Variants in ASMT observed in about 807,000 individuals in gnomAD.
ASMT encodes acetylserotonin N-methyltransferase.
Under a neutral mutation model 41.3 loss-of-function variants are expected in ASMT, and 53 were observed. The observed-to-expected ratio is 1.28, with a 90% CI of 1.03 to 1.61. The LOEUF (loss-of-function observed/expected upper bound fraction) is 1.61, where lower values mean the gene tolerates loss of function less well. ASMT is among the 40% of genes most tolerant of loss of function. ASMT has a pLI of 0.00. For synonymous variants in ASMT, 231 were observed against 184.8 expected (o/e 1.25, Z -2.03); for missense variants, 531 against 441.3 (o/e 1.20, Z -1.82).
At chrX:1,641,399 CTA>C (rs1370963980) in intron 8 of ASMT, among the ~76,000 whole-genome samples, 4 of 145,734 alleles carry the variant, frequency 2.7e-5, no homozygotes, top group East Asian at 2.1e-4. Flanking sequence ...TGAGGTCCAC[CTA>C]TCCTGATGGT....
intron 5 of ASMT, among the ~76,000 whole-genome samples, 190 bp downstream of exon 5, chrX:1,630,129 G>A (rs1420964247): frequency 2.7e-5 from 4 of 150,056 alleles, no homozygotes; most frequent in African/African-American, 7.3e-5. Context: ...GCGAGCACAC[G>A]TTTCTTTTTC....
At chrX:1,631,631 C>G (rs1399659050) in intron 5 of ASMT, among the ~76,000 whole-genome samples, 17 of 152,060 alleles carry the variant, frequency 1.1e-4, no homozygotes, top group Non-Finnish European at 1.9e-4. Flanking sequence ...AATGAACAAG[C>G]AGACCGGGCG....
At chrX:1,622,042 G>T (rs1456719614) in intron 1 of ASMT, among the ~76,000 whole-genome samples, 2 of 151,202 alleles carry the variant, frequency 1.3e-5, no homozygotes, top group Non-Finnish European at 2.9e-5. Context: ...GCCCAGGCTG[G>T]AGTGCAGTGA....
intron 4 of ASMT, among the ~76,000 whole-genome samples, chrX:1,629,121 T>C (rs113984856): frequency 6.6e-6 from 1 of 151,968 alleles, no homozygotes; most frequent in Non-Finnish European, 1.5e-5. Flanking sequence ...TGTATGTGTA[T>C]GTGAATATAT....
intron 5 of ASMT, among the ~76,000 whole-genome samples, chrX:1,632,268 A>T (rs1214737939): frequency 2.0e-5 from 3 of 152,072 alleles, no homozygotes; most frequent in Admixed American, 2.0e-4. Flanking sequence ...GGAAGTTTGG[A>T]GCTTGGGTCA....
chrX:1,621,598 G>A (rs1239154166), intron 1 of ASMT, among the ~76,000 whole-genome samples: 2 of 152,150 alleles, frequency 1.3e-5, no homozygotes, highest in Non-Finnish European at 2.9e-5. Flanking sequence ...GATTACAGGC[G>A]TGAGCTACCA....
At position 1,615,257 on chromosome X, in the gene ASMT, A is replaced by C; in HGVS notation, c.58A>C (p.Met20Leu). The C allele has an allele frequency of 1.9e-6, 3 of 1,593,664 alleles. No homozygotes were observed. The highest frequency in any genetic ancestry group is 2.3e-5 in the South Asian group (2 of 87,620). The change falls in exon 1 of 9, where the codon ATG becomes CTG. Residue 20 changes from methionine (M) to leucine (L), a missense_variant. Met to Leu is a conservative substitution (Grantham distance 15, BLOSUM62 2). Coordinates refer to ENST00000381241, the MANE Select transcript of ASMT (RefSeq NM_001171038.2). ...CCTTAATGACTACGCCAACGGCTTC[A>C]TGGTGTCCCAGGTAGGATACGCTCT... ...RLLNDYANGF[M>L]VSQVLFAACE...
At chrX:1,634,659 C>CA (rs1382319808) in intron 7 of ASMT, among the ~76,000 whole-genome samples, 3 of 149,988 alleles carry the variant, frequency 2.0e-5, no homozygotes, top group Admixed American at 6.6e-5. Flanking sequence ...GTTAACCCCC[C>CA]CCCTTTTTTT....
chrX:1,636,314 G>C, intron 7 of ASMT, 124 bp from the exon 8 acceptor site: 6 of 1,412,892 alleles, frequency 4.2e-6, no homozygotes, highest in Non-Finnish European at 6.0e-6. Flanking sequence ...AGGTCTGCAG[G>C]TGACTAGCCT....
intron 6 of ASMT, 100 bp from the exon 7 acceptor site, chrX:1,633,050 G>C (rs1422962864): frequency 1.1e-5 from 16 of 1,427,522 alleles, no homozygotes; most frequent in African/African-American, 5.6e-5. Context: ...AAGGACCCAA[G>C]TTCCTGGGTT....
intron 7 of ASMT, among the ~76,000 whole-genome samples, chrX:1,634,276 CTTG>C (rs1193209924): frequency 2.6e-4 from 39 of 152,312 alleles, no homozygotes; most frequent in African/African-American, 9.1e-4. Context: ...ATGTGAGCTT[CTTG>C]TTGTCTTCTC....
At chrX:1,641,311 G>A (rs867828973) in intron 8 of ASMT, among the ~76,000 whole-genome samples, 4 of 43,590 alleles carry the variant, frequency 9.2e-5, no homozygotes, top group Non-Finnish European at 1.1e-4. Context: ...CTCCTGTGAG[G>A]TCCACCCATC....
intron 1 of ASMT, among the ~76,000 whole-genome samples, chrX:1,620,207 T>C (rs1462075139): frequency 7.4e-6 from 1 of 135,768 alleles, no homozygotes; most frequent in Non-Finnish European, 1.6e-5. Flanking sequence ...AGTCTCACTC[T>C]GTTGCCCAGG....
At chrX:1,616,148 C>T (rs1451139942) in intron 1 of ASMT, among the ~76,000 whole-genome samples, 11 of 147,848 alleles carry the variant, frequency 7.4e-5, no homozygotes, top group Non-Finnish European at 1.6e-4. Flanking sequence ...CCTGCTTCAG[C>T]CTCCCGAGTA....
At position 1,630,300 on chromosome X, in the gene ASMT, ATTTTTTT is replaced by A. The variant is rs36011956; in HGVS notation, c.562+378_562+384del. 5.8e-4 allele frequency among the ~76,000 whole-genome samples: 41 copies of A among 71,096 alleles called. No individual in the cohort carries two copies. The East Asian group carries it at 0.012, about 21-fold the overall frequency. The allele number at this position is 71,096 out of a possible 152,430, so 46.6% of individuals were successfully genotyped here. ...AGGCACCTGCCACCACACCAGGCTA[ATTTTTTT>A]TTTTTTTTTTTTTTTTGAGATGAAG... On this transcript the variant is annotated intron_variant, in intron 5 of 8. Coordinates refer to ENST00000381241, the MANE Select transcript of ASMT (RefSeq NM_001171038.2).
At chrX:1,625,121 T>TTTTTG in intron 3 of ASMT, among the ~76,000 whole-genome samples, 1 of 150,470 alleles carries the variant, frequency 6.6e-6, no homozygotes, top group Non-Finnish European at 1.5e-5. Flanking sequence ...TTTTTTTTTT[T>TTTTTG]TGAGATGGAG....
At chrX:1,636,378 G>C (rs747312680) in intron 7 of ASMT, 60 bp from the exon 8 acceptor site, 26 of 1,613,796 alleles carry the variant, frequency 1.6e-5, no homozygotes, top group Non-Finnish European at 1.8e-5. Flanking sequence ...GCCCAGAATA[G>C]GTTTAGTCAA....
chrX:1,632,325 C>T (rs369042808), intron 5 of ASMT, among the ~76,000 whole-genome samples: 30 of 152,088 alleles, frequency 2.0e-4, no homozygotes, highest in African/African-American at 6.0e-4. Flanking sequence ...TAGACAATCA[C>T]GTCACCGTCA....
At chrX:1,628,910 T>G (rs1934662177) in intron 4 of ASMT, among the ~76,000 whole-genome samples, 1 of 142,124 alleles carries the variant, frequency 7.0e-6, no homozygotes, top group African/African-American at 2.7e-5. Context: ...TCTGCTTTCC[T>G]TTCCCCCGTT....
Sources: allele counts gnomAD v4.1 joint callset (sites outside exome capture counted in the v4.1 genomes callset), GRCh38; gene constraint gnomAD v4.1.1; transcripts MANE v1.5; gene names NCBI Gene and HGNC (gene_info 2026-07-23, HGNC 2026-07-21).